The following CALCR variants were observed in gnomAD, a reference collection of about 807,000 sequenced individuals.
CALCR encodes calcitonin receptor.
CALCR carries 47 observed loss-of-function variants against 59.5 expected under a neutral mutation model. That is an observed-to-expected ratio of 0.79 (90% CI 0.63 to 1.01). The LOEUF (loss-of-function observed/expected upper bound fraction) is 1.01, where lower values mean the gene tolerates loss of function less well. CALCR is among the 50% of genes least tolerant of loss of function. The pLI is 0.00. For missense variants in CALCR, 566 were observed against 597.1 expected (o/e 0.95, Z 0.54); for synonymous variants, 213 against 211.3 (o/e 1.01, Z -0.07).
intron 6 of CALCR, among the ~76,000 whole-genome samples, chr7:93,471,191 C>T (rs996326243): frequency 6.6e-6 from 1 of 151,726 alleles, no homozygotes; most frequent in Non-Finnish European, 1.5e-5. Flanking sequence ...TTTGGACTTG[C>T]ACTACTTACA....
Position 93,438,044 on chromosome 7 carries a change from A to T in CALCR, c.930+16T>A. On this transcript the variant is annotated intron_variant, in intron 11 of 13. Transcript: ENST00000426151. Reference sequence around the variant, plus strand: ...AGATAATACTACTAATATTGCAATAAAAAACTAATTCTCACCACAAGTGCC... The same window carrying T: ...AGATAATACTACTAATATTGCAATATAAAACTAATTCTCACCACAAGTGCC... 1 of 1,609,004 alleles carries T rather than the reference A, an allele frequency of 6.2e-7. No individual in the cohort carries two copies. Among genetic ancestry groups the T allele is most frequent in the Non-Finnish European group, 8.5e-7 (1 of 1,175,800 alleles).
rs28612624 is a variant in CALCR, at chr7:93,523,440, G to A, written c.-26-36433C>T. ...TTATTTAGTTCCTCTCCTGGACTGTGAGGTTATCGAGGGCAGAGACTGTGT... is the reference window on the plus strand; with the variant it reads ...TTATTTAGTTCCTCTCCTGGACTGTAAGGTTATCGAGGGCAGAGACTGTGT... On this transcript the variant is annotated intron_variant, in intron 2 of 13. Coordinates refer to ENST00000426151, the MANE Select transcript of CALCR (RefSeq NM_001742.4). Among the ~76,000 whole-genome samples, 455 of 152,294 alleles carry A rather than the reference G, an allele frequency of 3.0e-3. 1 individual carries two copies. Among genetic ancestry groups the A allele is most frequent in the African/African-American group, 0.011 (439 of 41,570 alleles).
intron 13 of CALCR, among the ~76,000 whole-genome samples, chr7:93,433,631 A>C (rs1799705348): frequency 6.6e-6 from 1 of 152,202 alleles, no homozygotes; most frequent in Admixed American, 6.5e-5. Flanking sequence ...CTGGAGCTAT[A>C]GAAGCTCCAT....
intron 4 of CALCR, among the ~76,000 whole-genome samples, chr7:93,477,933 AT>A (rs1377734181): frequency 1.4e-5 from 2 of 139,074 alleles, no homozygotes; most frequent in Non-Finnish European, 3.1e-5. Flanking sequence ...AAAAAAGCAA[AT>A]GCCCCAAAGA....
At chr7:93,548,980 T>G (rs1034612117) in intron 2 of CALCR, among the ~76,000 whole-genome samples, 1 of 152,094 alleles carries the variant, frequency 6.6e-6, no homozygotes, top group African/African-American at 2.4e-5. Flanking sequence ...ATGCTGTGAT[T>G]ATAAAAATTC....
intron 2 of CALCR, among the ~76,000 whole-genome samples, chr7:93,557,020 A>G (rs1035427051): frequency 6.6e-6 from 1 of 152,058 alleles, no homozygotes; most frequent in Admixed American, 6.6e-5. Flanking sequence ...ATGTCTTATC[A>G]TAACTACCTT....
At chr7:93,499,081 T>C (rs1801270178) in intron 2 of CALCR, among the ~76,000 whole-genome samples, 1 of 151,694 alleles carries the variant, frequency 6.6e-6, no homozygotes, top group Non-Finnish European at 1.5e-5. Context: ...AACTGGACTA[T>C]AATTAAAGGT....
intron 8 of CALCR, among the ~76,000 whole-genome samples, chr7:93,452,270 G>A (rs969255630): frequency 2.0e-5 from 3 of 151,942 alleles, no homozygotes; most frequent in African/African-American, 7.2e-5. Flanking sequence ...AACTCCTGTT[G>A]TTGTAAACTC....
intron 2 of CALCR, among the ~76,000 whole-genome samples, chr7:93,491,236 C>T (rs535217984): frequency 6.6e-6 from 1 of 152,174 alleles, no homozygotes; most frequent in African/African-American, 2.4e-5. Context: ...CTCTTCCTTA[C>T]ACCTTATACA....
At chr7:93,518,747 G>C (rs1801697390) in intron 2 of CALCR, among the ~76,000 whole-genome samples, 1 of 151,916 alleles carries the variant, frequency 6.6e-6, no homozygotes, top group Non-Finnish European at 1.5e-5. Flanking sequence ...TAAAAAGAAT[G>C]AGATCAATCT....
intron 3 of CALCR, among the ~76,000 whole-genome samples, chr7:93,480,547 T>C (rs1800773461): frequency 6.6e-6 from 1 of 151,922 alleles, no homozygotes; most frequent in Non-Finnish European, 1.5e-5. Flanking sequence ...TGTACTCTTC[T>C]ATATGTGCTA....
At position 93,532,917 on chromosome 7, in the gene CALCR, G is replaced by A. The variant is rs555758472; in HGVS notation, c.-27+41372C>T. Among the ~76,000 whole-genome samples, 96 of 149,584 alleles carry A rather than the reference G, an allele frequency of 6.4e-4. 1 individual carries two copies. In the South Asian group the frequency reaches 0.011, roughly 17 times the overall value. On this transcript the variant is annotated intron_variant, in intron 2 of 13. Coordinates refer to ENST00000426151, the MANE Select transcript of CALCR (RefSeq NM_001742.4). Reference sequence around the variant, plus strand: ...TCATGAGCTTTCACAAAATGAGGGTGATAATAGTACTTGCCTTCCAGGATT... The same window carrying A: ...TCATGAGCTTTCACAAAATGAGGGTAATAATAGTACTTGCCTTCCAGGATT...
chr7:93,437,742 CACAA>C (rs1433813500), intron 11 of CALCR, among the ~76,000 whole-genome samples: 1 of 152,134 alleles, frequency 6.6e-6, no homozygotes, highest in Non-Finnish European at 1.5e-5. Flanking sequence ...ATGTTCATAA[CACAA>C]ACAAACTTCT....
chr7:93,571,447 A>G (rs1434956580), intron 2 of CALCR, among the ~76,000 whole-genome samples: 1 of 152,100 alleles, frequency 6.6e-6, no homozygotes, highest in Non-Finnish European at 1.5e-5. Flanking sequence ...CACCTACCCA[A>G]ATGCTTTACA....
intron 2 of CALCR, among the ~76,000 whole-genome samples, chr7:93,499,192 C>T (rs1801271895): frequency 6.6e-6 from 1 of 151,646 alleles, no homozygotes; most frequent in Non-Finnish European, 1.5e-5. Flanking sequence ...TAAATATTGA[C>T]TCTACTTGAC....
intron 11 of CALCR, among the ~76,000 whole-genome samples, 176 bp downstream of exon 11, chr7:93,437,884 G>C (rs1799813441): frequency 6.6e-6 from 1 of 152,086 alleles, no homozygotes; most frequent in Non-Finnish European, 1.5e-5. Context: ...CTCCATGTGT[G>C]AGTAAAAGGC....
At chr7:93,463,550 A>G (rs1245819749) in intron 7 of CALCR, among the ~76,000 whole-genome samples, 3 of 151,998 alleles carry the variant, frequency 2.0e-5, no homozygotes, top group East Asian at 1.9e-4. Context: ...AATCCAAAAT[A>G]TATGATTGTG....
chr7:93,557,422 G>T (rs1346405534), intron 2 of CALCR, among the ~76,000 whole-genome samples: 2 of 151,694 alleles, frequency 1.3e-5, no homozygotes, highest in East Asian at 3.9e-4. Context: ...AAAATAACAT[G>T]GTGATTGTAA....
chr7:93,468,794 G>T lies in CALCR; in HGVS notation c.442C>A (p.Leu148Met). ...TPEKLKNAYV[L>M]YYLAIVGHSL... ...TGACCCACAATAGCCAAATAGTACA[G>T]AACATATGCATTCTGGAACAACAAA... The change falls in exon 7 of 14, where the codon CTG (leucine) becomes ATG (methionine). Residue 148 changes from leucine to methionine, a missense_variant. Coordinates refer to ENST00000426151, the MANE Select transcript of CALCR (RefSeq NM_001742.4). 6.3e-7 allele frequency: 1 copy of T among 1,599,400 alleles called. No homozygotes were observed.
Sources: gnomAD v4.1 joint callset for allele counts (sites outside exome capture counted in the v4.1 genomes callset) on GRCh38, gnomAD v4.1.1 for gene constraint, MANE v1.5 for transcripts, NCBI Gene and HGNC (gene_info 2026-07-23, HGNC 2026-07-21) for gene names.